REPS2: variants seen among roughly 807,000 people sequenced by gnomAD.
REPS2 encodes the protein ralBP1-associated Eps domain-containing protein 2.
In REPS2, 23 loss-of-function variants were observed where a neutral mutation model predicts 53.6. The observed-to-expected ratio is 0.43, with a 90% confidence interval of 0.31 to 0.61. REPS2 has a LOEUF of 0.61. Ranked by LOEUF, REPS2 falls within the 20% of genes least tolerant of loss-of-function variation. REPS2 has a pLI of 0.11. For missense variants in REPS2, 446 were observed against 534.9 expected (o/e 0.83, Z 1.64); for synonymous variants, 238 against 218.6 (o/e 1.09, Z -0.78).
chrX:17,056,221 CT>C (rs2147939973), intron 8 of REPS2, among the ~76,000 whole-genome samples: 1 of 111,619 alleles, frequency 9.0e-6, no homozygotes, highest in South Asian at 3.7e-4. Context: ...ACCAAAGTCA[CT>C]TACCCTTTCA....
chrX:17,037,303 CATTG>C (rs1395304687), intron 5 of REPS2, among the ~76,000 whole-genome samples: 45 of 110,686 alleles, frequency 4.1e-4, no homozygotes, highest in Admixed American at 4.0e-3. Context: ...CTTTTCTTTT[CATTG>C]ATTGATTGAT....
intron 13 of REPS2, among the ~76,000 whole-genome samples, chrX:17,093,110 TG>T (rs2062640127): frequency 1.1e-5 from 1 of 93,064 alleles, no homozygotes; most frequent in Non-Finnish European, 2.1e-5. Context: ...GAATTATAAA[TG>T]CAAGGAAGAG....
downstream of REPS2, among the ~76,000 whole-genome samples, chrX:17,154,390 A>G (rs1199010840): frequency 1.8e-5 from 2 of 111,325 alleles, no homozygotes; most frequent in Non-Finnish European, 1.9e-5. Flanking sequence ...ACAAGACACA[A>G]CTCCTTCCCC....
At chrX:17,080,924 G>A (rs1334523071) in intron 13 of REPS2, among the ~76,000 whole-genome samples, 1 of 111,351 alleles carries the variant, frequency 9.0e-6, no homozygotes, top group African/African-American at 3.3e-5. Context: ...ACTTGGGAAT[G>A]TGAGGGTGGC....
intron 13 of REPS2, among the ~76,000 whole-genome samples, chrX:17,079,492 A>G (rs1327376258): frequency 3.6e-5 from 4 of 111,845 alleles, no homozygotes; most frequent in African/African-American, 1.3e-4. Flanking sequence ...CCTCACTCGA[A>G]TAATATACCT....
the REPS2 span, among the ~76,000 whole-genome samples, chrX:17,158,960 A>T: frequency 7.1e-5 from 8 of 112,382 alleles, no homozygotes; most frequent in Non-Finnish European, 1.3e-4. Context: ...GTTTCCAAAT[A>T]ATAAGAATTT....
chrX:17,003,590 C>A (rs994419486), intron 1 of REPS2, among the ~76,000 whole-genome samples: 1 of 110,878 alleles, frequency 9.0e-6, no homozygotes, highest in Non-Finnish European at 1.9e-5. Context: ...ACAGTCGAGG[C>A]GAGAGCAAAG....
chrX:17,011,222 C>T (rs1272038892), intron 2 of REPS2, among the ~76,000 whole-genome samples: 1 of 111,260 alleles, frequency 9.0e-6, no homozygotes, highest in African/African-American at 3.3e-5. Flanking sequence ...GTGCGTGCCT[C>T]CTTAAATGTT....
At chrX:16,965,143 C>G (rs1301091622) in intron 1 of REPS2, among the ~76,000 whole-genome samples, 2 of 81,311 alleles carry the variant, frequency 2.5e-5, no homozygotes, top group Admixed American at 1.2e-4. Flanking sequence ...GGGGGGCTGA[C>G]CCCCCCACCT....
intron 13 of REPS2, among the ~76,000 whole-genome samples, chrX:17,081,651 T>G (rs1402275542): frequency 8.9e-6 from 1 of 112,140 alleles, no homozygotes; most frequent in Non-Finnish European, 1.9e-5. Context: ...ATTCCAGGGC[T>G]CTCTAGGTAC....
chrX:17,078,196 G>T (rs2062407412), intron 13 of REPS2, among the ~76,000 whole-genome samples: 2 of 112,449 alleles, frequency 1.8e-5, no homozygotes, highest in African/African-American at 6.5e-5. Flanking sequence ...ACTCATGCAG[G>T]CAAGCTATAA....
chrX:17,074,334 C>G (rs1446385386), intron 12 of REPS2, among the ~76,000 whole-genome samples, 175 bp downstream of exon 12: 2 of 112,052 alleles, frequency 1.8e-5, no homozygotes, highest in African/African-American at 3.2e-5. Context: ...ATGCTGGGAG[C>G]CTTGGTTTCT....
chrX:16,947,301 G>C (rs185847930), intron 1 of REPS2, among the ~76,000 whole-genome samples, 167 bp downstream of exon 1: 1 of 112,345 alleles, frequency 8.9e-6, no homozygotes, highest in African/African-American at 3.2e-5. Flanking sequence ...TGTCCCCGGG[G>C]GACACCAGCC....
the REPS2 span, among the ~76,000 whole-genome samples, chrX:17,187,121 G>A: frequency 2.7e-5 from 3 of 111,465 alleles, no homozygotes; most frequent in East Asian, 2.8e-4. Flanking sequence ...GGCTTTTTCC[G>A]AAAAACCTTC....
intron 5 of REPS2, among the ~76,000 whole-genome samples, chrX:17,033,767 A>T (rs1212060281): frequency 1.8e-5 from 2 of 112,209 alleles, no homozygotes; most frequent in East Asian, 5.6e-4. Context: ...TAAAAACACA[A>T]ATCTAATCAT....
chrX:17,019,537 C>T (rs1160111802), intron 2 of REPS2, among the ~76,000 whole-genome samples: 1 of 112,006 alleles, frequency 8.9e-6, no homozygotes, highest in Non-Finnish European at 1.9e-5. Context: ...CTAGGAAAAA[C>T]ATTCAGTTGA....
chrX:17,068,263 G>A (rs1050162761), intron 9 of REPS2, 139 bp from the exon 10 acceptor site: 55 of 353,920 alleles, frequency 1.6e-4, no homozygotes, highest in African/African-American at 1.4e-3. Context: ...GCAGTGAGCC[G>A]AGATCGCGCC....
chrX:17,029,682 G>A (rs2061685066), intron 5 of REPS2, 59 bp downstream of exon 5: 2 of 829,469 alleles, frequency 2.4e-6, no homozygotes, highest in Admixed American at 2.8e-5. Context: ...TGGGCTTCGG[G>A]GACATGGCTT....
At chrX:17,043,442 G>T (rs187369517) in intron 5 of REPS2, among the ~76,000 whole-genome samples, 1 of 110,753 alleles carries the variant, frequency 9.0e-6, no homozygotes, top group East Asian at 2.9e-4. Context: ...AACAGGCCTT[G>T]CCCTGGTTGT....
Sources: allele counts gnomAD v4.1 joint callset (sites outside exome capture counted in the v4.1 genomes callset), GRCh38; gene constraint gnomAD v4.1.1; transcripts MANE v1.5; gene names NCBI Gene and HGNC (gene_info 2026-07-23, HGNC 2026-07-21).